Variants in MAP1B observed in about 807,000 individuals in gnomAD.
MAP1B encodes the protein microtubule associated protein 1B.
In MAP1B, 12 loss-of-function variants were observed where a neutral mutation model predicts 176.1. The observed-to-expected ratio is 0.07, with a 90% CI of 0.04 to 0.11. The LOEUF is 0.11. MAP1B is among the 10% of genes least tolerant of loss of function. The pLI is 1.00. For synonymous variants in MAP1B, 1,044 were observed against 1,135.0 expected (o/e 0.92, Z 1.61); for missense variants, 2,523 against 2,990.5 (o/e 0.84, Z 3.65).
rs1747279880 is a variant in MAP1B, at chr5:72,199,626, A to G, written c.6271A>G (p.Lys2091Glu). 1 of 1,614,004 alleles carries G rather than the reference A, an allele frequency of 6.2e-7. No homozygotes were observed. The highest frequency in any genetic ancestry group is 1.3e-5 in the African/African-American group (1 of 74,898). The change falls in exon 5 of 7, where the codon AAG becomes GAG. Residue 2091 changes from lysine (K) to glutamate (E), a missense_variant. Lys to Glu is a moderately conservative substitution (Grantham distance 56, BLOSUM62 1). Around this residue, in one of 4 missense-constraint regions of MAP1B, gnomAD observed 1,925 missense variants for 2,126.0 expected, o/e 0.91. Coordinates refer to ENST00000296755, the MANE Select transcript of MAP1B (RefSeq NM_005909.5). This position sits in a 1 kb window ranked among gnomAD's most constrained non-coding sequence, Gnocchi z 4.2. ...DLCLVSSCEY[K>E]HPKTELSPSF... The stretch of plus-strand genomic sequence containing the variant: ...ATGCCTCGTGTCCTCTTGTGAATAC[A>G]AGCACCCCAAGACAGAGCTTTCACC...
Position 72,200,267 on chromosome 5 carries a change from C to A in MAP1B, c.6912C>A (p.Thr2304=). The part of the protein sequence containing the change: ...ESVEKAAKPT[T]TPEVKAARGE... The stretch of plus-strand genomic sequence containing the variant: ...TGGAAAAGGCAGCAAAACCCACCAC[C>A]ACTCCTGAGGTCAAAGCTGCACGTG... Residue 2304 remains threonine (T), a synonymous_variant, in exon 5 of 7, where the codon ACC becomes ACA. Transcript: ENST00000296755. 5 of 1,614,184 alleles carry A rather than the reference C, an allele frequency of 3.1e-6. No individual in the cohort carries two copies. Among genetic ancestry groups the A allele is most frequent in the Non-Finnish European group, 4.2e-6 (5 of 1,180,026 alleles).
At chr5:72,108,635 C>T (rs1745201572) in intron 1 of MAP1B, among the ~76,000 whole-genome samples, 1 of 152,124 alleles carries the variant, frequency 6.6e-6, no homozygotes, top group South Asian at 2.1e-4. Context: ...AGACCGCCCC[C>T]AGCCCCACCC....
At chr5:72,113,656 T>A (rs1485100429) in intron 1 of MAP1B, among the ~76,000 whole-genome samples, 1 of 152,210 alleles carries the variant, frequency 6.6e-6, no homozygotes. Context: ...ATTGTATGAA[T>A]TTAATTTAAA....
rs1293526055 is a variant in MAP1B, at chr5:72,203,364, G to C, written c.7013-199G>C. Among the ~76,000 whole-genome samples the C allele has an allele frequency of 1.8e-4, 27 of 152,174 alleles. 1 individual carries two copies. The highest frequency in any genetic ancestry group is 1.8e-3 in the Admixed American group (27 of 15,284). ...TCCTATTGAGGTGGTAAACAACCAT[G>C]TTATGTTTTGTCACATTGCTAGCGT... On this transcript the variant is annotated intron_variant, in intron 5 of 6. Transcript: ENST00000296755.
chr5:72,154,088 TA>T (rs1169702366), intron 2 of MAP1B, among the ~76,000 whole-genome samples: 1 of 152,204 alleles, frequency 6.6e-6, no homozygotes, highest in Non-Finnish European at 1.5e-5. Flanking sequence ...AAAGTAATAT[TA>T]TTTTTTTATT....
chr5:72,206,737 AT>A lies in MAP1B; in HGVS notation c.*1499del, dbSNP rs1483976558. On this transcript the variant is annotated 3_prime_UTR_variant, in exon 7 of 7. Coordinates refer to ENST00000296755, the MANE Select transcript of MAP1B (RefSeq NM_005909.5). Reference sequence around the variant, plus strand: ...TGTTTCGTAAGACAAAAATTGAATAATGTTTTTTGAAGTTCTGGCAAGATTG... The same window carrying A: ...TGTTTCGTAAGACAAAAATTGAATAAGTTTTTTGAAGTTCTGGCAAGATTG... The A allele has an allele frequency of 2.0e-5, 3 of 152,244 alleles. No individual in the cohort carries two copies. The highest frequency in any genetic ancestry group is 7.2e-5 in the African/African-American group (3 of 41,536). 9.4% of individuals were successfully genotyped at this position (152,244 alleles called of 1,614,324 possible).
chr5:72,142,674 A>G (rs964636480), intron 2 of MAP1B, among the ~76,000 whole-genome samples: 2 of 151,846 alleles, frequency 1.3e-5, no homozygotes, highest in African/African-American at 4.8e-5. Context: ...ATTTTTTTTC[A>G]GGAAAAAAAG....
Position 72,109,052 on chromosome 5 carries a change from C to A in MAP1B, c.184+1337C>A, listed in dbSNP as rs1745245478. On this transcript the variant is annotated intron_variant, in intron 1 of 6. Coordinates refer to ENST00000296755, the MANE Select transcript of MAP1B (RefSeq NM_005909.5). ...TTCACGCAGCCCTCGTTCCCCACTC[C>A]CCCTCCCCAATAAAAGACGAAAGAA... 2.0e-5 allele frequency among the ~76,000 whole-genome samples: 3 copies of A among 152,252 alleles called. No homozygotes were observed. In the South Asian group the frequency reaches 6.2e-4, roughly 32 times the overall value.
intron 2 of MAP1B, among the ~76,000 whole-genome samples, chr5:72,118,625 A>T (rs1454233132): frequency 1.3e-5 from 2 of 149,744 alleles, no homozygotes; most frequent in African/African-American, 2.5e-5. Context: ...GGGTTTAAAA[A>T]AACATAGAGA....
intron 2 of MAP1B, among the ~76,000 whole-genome samples, chr5:72,123,987 A>G (rs1745579010): frequency 6.6e-6 from 1 of 152,120 alleles, no homozygotes; most frequent in Admixed American, 6.6e-5. Flanking sequence ...AGAAAGAGAG[A>G]GTGTGTGTGT....
intron 2 of MAP1B, among the ~76,000 whole-genome samples, chr5:72,173,605 A>G (rs147269647): frequency 4.2e-4 from 64 of 152,338 alleles, no homozygotes; most frequent in African/African-American, 1.5e-3. Flanking sequence ...GTTTTACCTA[A>G]TACTGCACAG....
At position 72,195,263 on chromosome 5, in the gene MAP1B, G is replaced by C; in HGVS notation, c.1908G>C (p.Lys636Asn). Reference protein sequence around the residue: ...TDVKPKAAKEKTVKKETKVKP... With the variant: ...TDVKPKAAKENTVKKETKVKP... ...TCAAACCCAAAGCTGCCAAGGAGAA[G>C]ACGGTGAAAAAGGAAACAAAGGTAA... is the stretch of plus-strand genomic sequence containing the variant. Residue 636 changes from lysine (K) to asparagine (N), a missense_variant, in exon 5 of 7, where the codon AAG becomes AAC. Lys to Asn is a moderately conservative substitution (Grantham distance 94). Transcript: ENST00000296755. The C allele has an allele frequency of 1.2e-6, 2 of 1,613,648 alleles. No homozygotes were observed. Among genetic ancestry groups the C allele is most frequent in the South Asian group, 2.2e-5 (2 of 91,070 alleles).
At chr5:72,155,972 G>T (rs1746223392) in intron 2 of MAP1B, among the ~76,000 whole-genome samples, 1 of 151,916 alleles carries the variant, frequency 6.6e-6, no homozygotes, top group Non-Finnish European at 1.5e-5. Context: ...TTACCACATT[G>T]GTCAGGTTGG....
At chr5:72,111,192 C>A (rs1431039008) in intron 1 of MAP1B, among the ~76,000 whole-genome samples, 1 of 152,176 alleles carries the variant, frequency 6.6e-6, no homozygotes. Context: ...TATTTTAATA[C>A]ATAGAGGACA....
chr5:72,183,668 C>G lies in MAP1B; in HGVS notation c.287-75C>G, dbSNP rs574354766. Reference sequence around the variant, plus strand: ...CGGAGGCAGAAATTCCTCTGCTGTCCCAGGAGCAGGCAGGGCAGTTTTTAT... The same window carrying G: ...CGGAGGCAGAAATTCCTCTGCTGTCGCAGGAGCAGGCAGGGCAGTTTTTAT... On this transcript the variant is annotated intron_variant, in intron 2 of 6. Transcript: ENST00000296755. 120 of 1,059,044 alleles carry G rather than the reference C, an allele frequency of 1.1e-4. 1 individual carries two copies. Among genetic ancestry groups the G allele is most frequent in the Admixed American group, 4.9e-4 (28 of 57,242 alleles). 65.6% of individuals were successfully genotyped at this position (1,059,044 alleles called of 1,614,324 possible). A position where few individuals can be genotyped will look rare whatever the true frequency, so the allele number is the denominator to read the frequency against.
At chr5:72,134,795 A>G (rs188322129) in intron 2 of MAP1B, among the ~76,000 whole-genome samples, 309 of 151,664 alleles carry the variant, frequency 2.0e-3, no homozygotes, top group African/African-American at 7.1e-3. Context: ...TTCCTGAAAA[A>G]GGAAGGCAGA....
intron 2 of MAP1B, among the ~76,000 whole-genome samples, chr5:72,151,858 A>G (rs1438529949): frequency 6.6e-6 from 1 of 152,186 alleles, no homozygotes; most frequent in Non-Finnish European, 1.5e-5. Flanking sequence ...TTGACATTTC[A>G]CAGTGATTCC....
intron 2 of MAP1B, among the ~76,000 whole-genome samples, chr5:72,136,496 C>G (rs1745839368): frequency 6.6e-6 from 1 of 152,172 alleles, no homozygotes; most frequent in African/African-American, 2.4e-5. Context: ...AAGACTTGTC[C>G]TCATCTCTGG....
At chr5:72,132,280 A>T (rs1252675227) in intron 2 of MAP1B, among the ~76,000 whole-genome samples, 1 of 152,220 alleles carries the variant, frequency 6.6e-6, no homozygotes, top group Non-Finnish European at 1.5e-5. Flanking sequence ...ATGTTGAGAT[A>T]CAAGTATTTT....
Sources: allele counts gnomAD v4.1 joint callset (sites outside exome capture counted in the v4.1 genomes callset), GRCh38; gene constraint gnomAD v4.1.1; regional missense constraint gnomAD v4.1.1; non-coding constraint Gnocchi (gnomAD v3.1); transcripts MANE v1.5; gene names NCBI Gene and HGNC (gene_info 2026-07-23, HGNC 2026-07-21).